KDM4C: variants seen among roughly 807,000 people sequenced by gnomAD.
KDM4C encodes the protein lysine-specific demethylase 4C.
KDM4C carries 81 observed loss-of-function variants against 129.3 expected under a neutral mutation model. The observed-to-expected ratio is 0.63, with a 90% confidence interval of 0.52 to 0.75. The LOEUF (loss-of-function observed/expected upper bound fraction) is 0.75, where lower values mean the gene tolerates loss of function less well. KDM4C is among the 30% of genes least tolerant of loss of function. KDM4C has a pLI of 0.00. For synonymous variants in KDM4C, 573 were observed against 456.1 expected (o/e 1.26, Z -3.26); for missense variants, 1,457 against 1,304.0 (o/e 1.12, Z -1.81).
intron 19 of KDM4C, among the ~76,000 whole-genome samples, chr9:7,158,438 G>A (rs541034775): frequency 2.0e-5 from 3 of 151,802 alleles, no homozygotes; most frequent in African/African-American, 7.3e-5. Context: ...TGATGTTAGG[G>A]TGTCGATTTT....
chr9:6,765,227 A>G (rs560704451), intron 1 of KDM4C, among the ~76,000 whole-genome samples: 7 of 152,118 alleles, frequency 4.6e-5, no homozygotes, highest in African/African-American at 1.4e-4. Context: ...ATGGTTTTTC[A>G]TGTTCTCTCT....
At chr9:6,809,642 G>A (rs1830777625) in intron 3 of KDM4C, among the ~76,000 whole-genome samples, 1 of 152,136 alleles carries the variant, frequency 6.6e-6, no homozygotes. Flanking sequence ...CTATTGAGAT[G>A]GATTTTGAAG....
intron 5 of KDM4C, among the ~76,000 whole-genome samples, chr9:6,863,568 G>A (rs1263283668): frequency 1.3e-5 from 2 of 151,964 alleles, no homozygotes; most frequent in African/African-American, 4.8e-5. Flanking sequence ...AGGCGGAGGT[G>A]GGCGGATCAC....
intron 21 of KDM4C, among the ~76,000 whole-genome samples, chr9:7,171,164 C>A (rs937185851): frequency 2.0e-4 from 31 of 152,230 alleles, no homozygotes; most frequent in Middle Eastern, 3.4e-3. Flanking sequence ...AGAGGAAGGT[C>A]CTTCAAAGTG....
At chr9:6,742,680 A>AT (rs1163889718) in intron 1 of KDM4C, among the ~76,000 whole-genome samples, 2 of 53,738 alleles carry the variant, frequency 3.7e-5, no homozygotes, top group African/African-American at 1.8e-4. Flanking sequence ...TGGGGTGGGG[A>AT]ATTTTTTTTT....
rs534978053 is a variant in KDM4C, at chr9:7,173,606, G to T, written c.2995-947G>T. On this transcript the variant is annotated intron_variant, in intron 21 of 21. Transcript: ENST00000381309. ...TGCCCCATAGGGTAAGGATCAAGAA[G>T]AAAGGCTGAAGGGCTTCAAGGTACA... is the stretch of plus-strand genomic sequence containing the variant. Among the ~76,000 whole-genome samples, 203 of 152,310 alleles carry T rather than the reference G, an allele frequency of 1.3e-3. 1 individual carries two copies. The highest frequency in any genetic ancestry group is 4.5e-3 in the African/African-American group (187 of 41,566).
intron 1 of KDM4C, among the ~76,000 whole-genome samples, chr9:6,728,326 G>C (rs1025910350): frequency 6.6e-6 from 1 of 152,062 alleles, no homozygotes; most frequent in Non-Finnish European, 1.5e-5. Context: ...ACAAGGTCAG[G>C]AGTTTGAGAC....
At chr9:6,754,880 TAAAAA>T (rs58382779), upstream of KDM4C, among the ~76,000 whole-genome samples, 2,963 of 83,324 alleles carry the variant, frequency 0.036, 106 homozygotes, top group East Asian at 0.29. Context: ...TGTCTCAAAG[TAAAAA>T]AAAAAAAAAA....
intron 4 of KDM4C, among the ~76,000 whole-genome samples, chr9:6,821,291 A>G (rs982996664): frequency 1.3e-5 from 2 of 152,222 alleles, no homozygotes; most frequent in African/African-American, 4.8e-5. Flanking sequence ...TTGAGGAATC[A>G]CCACACTGTC....
Position 7,068,384 on chromosome 9 carries a change from A to G in KDM4C, c.2424+19184A>G, listed in dbSNP as rs190927689. ...GCATTTCAAAGCTTTTATGTATACAATTTGATCACCTCAATTTTACTAAAG... is the reference window on the plus strand; with the variant it reads ...GCATTTCAAAGCTTTTATGTATACAGTTTGATCACCTCAATTTTACTAAAG... On this transcript the variant is annotated intron_variant, in intron 17 of 21. Coordinates refer to ENST00000381309, the MANE Select transcript of KDM4C (RefSeq NM_015061.6). Among the ~76,000 whole-genome samples, 18 of 152,262 alleles carry G rather than the reference A, an allele frequency of 1.2e-4. No individual in the cohort carries two copies. In the East Asian group the frequency reaches 3.1e-3, roughly 26 times the overall value.
chr9:7,121,029 C>A (rs10976048), intron 18 of KDM4C, among the ~76,000 whole-genome samples: 1 of 151,906 alleles, frequency 6.6e-6, no homozygotes, highest in African/African-American at 2.4e-5. Flanking sequence ...TAAATAAATC[C>A]CATTACCCAG....
chr9:6,746,660 G>T (rs1196226838), intron 1 of KDM4C, among the ~76,000 whole-genome samples: 2 of 146,948 alleles, frequency 1.4e-5, no homozygotes, highest in Non-Finnish European at 3.0e-5. Flanking sequence ...TGGGAGGATC[G>T]CTTGAGCCCA....
At chr9:6,815,005 A>C (rs1043444375) in intron 4 of KDM4C, 3 of 287,570 alleles carry the variant, frequency 1.0e-5, no homozygotes, top group Non-Finnish European at 1.9e-5. Context: ...TTACATTAAA[A>C]CTTTTTAAAG....
intron 1 of KDM4C, among the ~76,000 whole-genome samples, chr9:6,770,197 C>CA (rs1177706502): frequency 6.9e-6 from 1 of 143,924 alleles, no homozygotes; most frequent in African/African-American, 2.6e-5. Context: ...AAAAACAAAA[C>CA]AAACAAACAA....
rs79845729 is a variant in KDM4C, at chr9:7,045,804, T to C, written c.2260-1058T>C. ...TACTGCCTAACAAAAGTTATACAGA[T>C]ACATGATTCTTTCCAGTTGTTTTGG... On this transcript the variant is annotated intron_variant, in intron 15 of 21. Transcript: ENST00000381309. Among the ~76,000 whole-genome samples, 1,260 of 152,190 alleles carry C rather than the reference T, an allele frequency of 8.3e-3. 23 individuals are homozygous for C. Among genetic ancestry groups the C allele is most frequent in the African/African-American group, 0.028 (1,164 of 41,550 alleles).
At chr9:7,027,434 A>T (rs1029321595) in intron 15 of KDM4C, among the ~76,000 whole-genome samples, 2 of 152,170 alleles carry the variant, frequency 1.3e-5, no homozygotes, top group African/African-American at 4.8e-5. Context: ...CTTCCAAACA[A>T]AGGGAGTCTC....
At chr9:6,810,953 A>G (rs747079460) in intron 3 of KDM4C, among the ~76,000 whole-genome samples, 127 of 152,312 alleles carry the variant, frequency 8.3e-4, no homozygotes, top group Non-Finnish European at 1.5e-3. Context: ...GTAATGTTAA[A>G]CAACTTTTGA....
chr9:6,911,586 G>C (rs1324186944), intron 8 of KDM4C, among the ~76,000 whole-genome samples: 1 of 152,200 alleles, frequency 6.6e-6, no homozygotes, highest in Non-Finnish European at 1.5e-5. Context: ...ACCTCTGCTA[G>C]ATAAGTCAGA....
At chr9:6,772,584 C>G (rs1212298350) in intron 1 of KDM4C, among the ~76,000 whole-genome samples, 1 of 152,156 alleles carries the variant, frequency 6.6e-6, no homozygotes, top group African/African-American at 2.4e-5. Flanking sequence ...TGGTCTTGAA[C>G]TCCTGACCTC....
Sources: allele counts gnomAD v4.1 joint callset (sites outside exome capture counted in the v4.1 genomes callset), GRCh38; gene constraint gnomAD v4.1.1; transcripts MANE v1.5; gene names NCBI Gene and HGNC (gene_info 2026-07-23, HGNC 2026-07-21).